Variants in THOC5 observed in about 807,000 individuals in gnomAD.
The protein encoded by THOC5 is THO complex subunit 5, also known as Fms-interacting protein.
THOC5 carries 43 observed loss-of-function variants against 92.9 expected under a neutral mutation model. The observed-to-expected ratio is 0.46, with a 90% CI of 0.36 to 0.60. THOC5 has a LOEUF of 0.60. Among genes scored for constraint, THOC5 ranks in the 20% least tolerant of loss-of-function variants. The probability of loss-of-function intolerance (pLI) is 0.00; values close to 1 mark genes in which losing one functional copy is unlikely to be tolerated. For synonymous variants in THOC5, 296 were observed against 320.1 expected (o/e 0.92, Z 0.80); for missense variants, 659 against 849.4 (o/e 0.78, Z 2.79).
intron 1 of THOC5, chr22:29,550,586 A>G (rs1289627279): frequency 6.6e-6 from 1 of 152,118 alleles, no homozygotes; most frequent in African/African-American, 2.4e-5. Flanking sequence ...GAGGGAGCCA[A>G]TAGTTTGTCA....
At chr22:29,545,868 A>G (rs1489686057) in intron 2 of THOC5, among the ~76,000 whole-genome samples, 4 of 152,176 alleles carry the variant, frequency 2.6e-5, no homozygotes, top group Admixed American at 6.5e-5. Context: ...CCCTCTTCTC[A>G]CAGCTCTACT....
At chr22:29,517,492 A>C in intron 15 of THOC5, 126 bp from the exon 16 acceptor site, 1 of 744,358 alleles carries the variant, frequency 1.3e-6, no homozygotes, top group Non-Finnish European at 2.2e-6. Context: ...TATACCTGGT[A>C]CTCAGGAAGT....
At chr22:29,547,370 T>A (rs529473186) in intron 2 of THOC5, among the ~76,000 whole-genome samples, 53 of 152,142 alleles carry the variant, frequency 3.5e-4, no homozygotes, top group African/African-American at 1.1e-3. Context: ...ATCAACTTTT[T>A]TTTTTTTCTT....
At chr22:29,508,617 G>A (rs1206300490) in intron 19 of THOC5, 97 bp from the exon 20 acceptor site, 1 of 1,056,158 alleles carries the variant, frequency 9.5e-7, no homozygotes, top group Non-Finnish European at 1.4e-6. Context: ...AAGAGGCAGA[G>A]TTACATGACA....
chr22:29,534,451 A>C (rs1351964856), intron 7 of THOC5: 1 of 152,102 alleles, frequency 6.6e-6, no homozygotes, highest in African/African-American at 2.4e-5. Flanking sequence ...AAAGTAATAT[A>C]TGGTACACTG....
chr22:29,527,870 T>G (rs1374914292), intron 11 of THOC5, among the ~76,000 whole-genome samples: 4 of 152,244 alleles, frequency 2.6e-5, no homozygotes, highest in Non-Finnish European at 4.4e-5. Flanking sequence ...CTGCCTTATG[T>G]GACTGGAGTT....
rs1393294084 is a variant in THOC5, at chr22:29,517,342, C to G, written c.1514G>C (p.Ser505Thr). The change falls in exon 16 of 20, where the codon AGT (serine) becomes ACT (threonine). Residue 505 changes from serine to threonine, a missense_variant. Physicochemically the swap from Ser to Thr is moderately conservative, Grantham distance 58 (BLOSUM62 1). Transcript: ENST00000490103. ...GGCAGGGAAGAGGTACTGGCAATCACTGGTAACTGGCACAATGCCATGTTC... is the reference window on the plus strand; with the variant it reads ...GGCAGGGAAGAGGTACTGGCAATCAGTGGTAACTGGCACAATGCCATGTTC... ...SLEHGIVPVT[S>T]DCQYLFPAKV... 7 of 1,614,052 alleles carry G rather than the reference C, an allele frequency of 4.3e-6. No homozygotes were observed. The highest frequency in any genetic ancestry group is 5.1e-6 in the Non-Finnish European group (6 of 1,180,022).
intron 8 of THOC5, among the ~76,000 whole-genome samples, chr22:29,529,943 G>T (rs1352304398): frequency 6.6e-6 from 1 of 152,156 alleles, no homozygotes; most frequent in East Asian, 1.9e-4. Context: ...GGAGTTCAGA[G>T]ACCAGCCTGG....
At chr22:29,521,714 C>G (rs2063445185) in intron 12 of THOC5, among the ~76,000 whole-genome samples, 1 of 152,156 alleles carries the variant, frequency 6.6e-6, no homozygotes. Context: ...GACGCCACTG[C>G]CACCCACCTG....
rs765124596 is a variant in THOC5, at chr22:29,520,120, T to C, written c.1278-16A>G. ...AGTCAGGATGCTGCAGAAAAGAAGATAAATAAAATTGTGCTGTAAGTCATT... is the reference window on the plus strand; with the variant it reads ...AGTCAGGATGCTGCAGAAAAGAAGACAAATAAAATTGTGCTGTAAGTCATT... On this transcript the variant is annotated splice_polypyrimidine_tract_variant and intron_variant, in intron 13 of 19. Coordinates refer to ENST00000490103, the MANE Select transcript of THOC5 (RefSeq NM_003678.5). The C allele has an allele frequency of 1.9e-6, 3 of 1,610,300 alleles. No homozygotes were observed. Among genetic ancestry groups the C allele is most frequent in the Non-Finnish European group, 2.5e-6 (3 of 1,177,246 alleles).
chr22:29,523,016 C>CA (rs1175604240), intron 12 of THOC5, among the ~76,000 whole-genome samples: 1 of 144,072 alleles, frequency 6.9e-6, no homozygotes, highest in African/African-American at 2.6e-5. Context: ...AAAAAGAAAA[C>CA]AAAAAACCAA....
chr22:29,521,150 C>T, intron 12 of THOC5, 51 bp from the exon 13 acceptor site: 1 of 1,390,298 alleles, frequency 7.2e-7, no homozygotes, highest in Non-Finnish European at 1.0e-6. Context: ...CATCTTTCTT[C>T]AACATAGGCT....
intron 2 of THOC5, chr22:29,545,111 ACTT>A (rs1284928849): frequency 7.0e-6 from 3 of 426,582 alleles, no homozygotes; most frequent in Non-Finnish European, 1.4e-5. Flanking sequence ...GGTGAAAGGC[ACTT>A]CTTATGTGGC....
chr22:29,526,261 G>A (rs959785722), intron 11 of THOC5, among the ~76,000 whole-genome samples: 31 of 152,246 alleles, frequency 2.0e-4, no homozygotes, highest in African/African-American at 5.8e-4. Context: ...GGCCAGGCGC[G>A]GTGGCTCACA....
At chr22:29,525,976 G>C (rs1461078993) in intron 11 of THOC5, 30 bp from the exon 12 acceptor site, 1 of 1,501,708 alleles carries the variant, frequency 6.7e-7, no homozygotes, top group Non-Finnish European at 9.2e-7. Flanking sequence ...GAGAATTTAT[G>C]AGTCAAAACA....
chr22:29,521,163 G>A (rs2063434353), intron 12 of THOC5, 64 bp from the exon 13 acceptor site: 2 of 1,244,150 alleles, frequency 1.6e-6, no homozygotes, highest in Non-Finnish European at 1.2e-6. Context: ...CATAGGCTTG[G>A]GCATTTGGGG....
At chr22:29,551,878 C>T (rs1321145377) in intron 1 of THOC5, among the ~76,000 whole-genome samples, 1 of 150,538 alleles carries the variant, frequency 6.6e-6, no homozygotes, top group African/African-American at 2.4e-5. Flanking sequence ...CTCACTGGAA[C>T]CTCTCTGCCT....
chr22:29,542,989 G>A, intron 4 of THOC5, 33 bp from the exon 5 acceptor site: 1 of 1,536,908 alleles, frequency 6.5e-7, no homozygotes, highest in Non-Finnish European at 9.0e-7. Flanking sequence ...AGTGAGCAGG[G>A]CAAGTCAGGA....
At chr22:29,529,125 G>A (rs753009354) in intron 9 of THOC5, 37 bp downstream of exon 9, 1 of 1,604,324 alleles carries the variant, frequency 6.2e-7, no homozygotes, top group Non-Finnish European at 8.5e-7. Context: ...ATGGTGACCT[G>A]GTGTCCCTGG....
Sources: allele counts gnomAD v4.1 joint callset (sites outside exome capture counted in the v4.1 genomes callset), GRCh38; gene constraint gnomAD v4.1.1; transcripts MANE v1.5; gene names NCBI Gene and HGNC (gene_info 2026-07-23, HGNC 2026-07-21).